Variants in DOCK6 observed in about 807,000 individuals in gnomAD.
The protein encoded by DOCK6 is dedicator of cytokinesis protein 6.
A neutral mutation model predicts 230.3 loss-of-function variants in DOCK6; 167 were observed. The ratio of observed to expected loss-of-function variants is 0.73; its 90% CI spans 0.64 to 0.82. The LOEUF (loss-of-function observed/expected upper bound fraction) is 0.82. DOCK6 is among the 40% of genes least tolerant of loss of function. The pLI is 0.00. For missense variants in DOCK6, 2,598 were observed against 2,825.8 expected (o/e 0.92, Z 1.83); for synonymous variants, 1,148 against 1,185.0 (o/e 0.97, Z 0.64).
intron 32 of DOCK6, among the ~76,000 whole-genome samples, chr19:11,214,934 C>A (rs977618096): frequency 6.6e-6 from 1 of 150,706 alleles, no homozygotes; most frequent in African/African-American, 2.5e-5. Flanking sequence ...TGCCACCATG[C>A]CTGGCTAATT....
intron 24 of DOCK6, 112 bp downstream of exon 24, chr19:11,227,225 T>C: frequency 7.0e-7 from 1 of 1,436,954 alleles, no homozygotes; most frequent in Non-Finnish European, 9.5e-7. Flanking sequence ...CCCAGCAAAG[T>C]GGATTCCTGG....
At chr19:11,247,958 G>A (rs755035936) in intron 7 of DOCK6, 108 bp downstream of exon 7, 1 of 951,854 alleles carries the variant, frequency 1.1e-6, no homozygotes, top group Non-Finnish European at 1.6e-6. Flanking sequence ...GGCCACATAG[G>A]TGACAGGGCC....
At position 11,239,805 on chromosome 19, in the gene DOCK6, G is replaced by A. The variant is rs371530336; in HGVS notation, c.1644-1501C>T. The A allele has an allele frequency of 9.2e-5, 148 of 1,607,126 alleles. No homozygotes were observed. The African/African-American group carries it at 1.3e-3, about 15-fold the overall frequency. ...CCCTCAACGGTGTGTACAGGACCAC[G>A]GAGGGACGGCTGACAAAGGCCAGGA... On this transcript the variant is annotated intron_variant, in intron 14 of 47. Coordinates refer to ENST00000294618, the MANE Select transcript of DOCK6 (RefSeq NM_020812.4).
chr19:11,213,359 C>T (rs1384601434), intron 34 of DOCK6, 31 bp from the exon 35 acceptor site: 2 of 1,597,906 alleles, frequency 1.3e-6, no homozygotes, highest in South Asian at 2.2e-5. Context: ...AGACACTGTC[C>T]AGCCCCTCCC....
At chr19:11,262,374 AG>A in intron 1 of DOCK6, 22 bp downstream of exon 1, 4 of 1,028,494 alleles carry the variant, frequency 3.9e-6, no homozygotes, top group Non-Finnish European at 3.5e-6. Context: ...GGGAGGTGGG[AG>A]GGGGCCCCGC....
In DOCK6 at chr19:11,202,692, A is replaced by G. The variant is rs746334066; in HGVS notation, c.5253T>C (p.Tyr1751=). 1.4e-5 allele frequency: 22 copies of G among 1,613,868 alleles called. No homozygotes were observed. Among genetic ancestry groups the G allele is most frequent in the Non-Finnish European group, 3.4e-6 (4 of 1,179,896 alleles). The change falls in exon 42 of 48, where the codon TAT becomes TAC. Residue 1751 remains tyrosine, a synonymous_variant. Transcript: ENST00000294618. The surrounding 1 kb of genome is among the most constrained non-coding windows in gnomAD (Gnocchi z 5.3). The part of the protein sequence containing the change: ...SSGWERVFGT[Y]FRVGFYGAHF... Reference sequence around the variant, plus strand: ...GGGCGCCGTAGAAGCCCACGCGGAAATACGTCCCGAACACGCGCTGGGGCT... The same window carrying G: ...GGGCGCCGTAGAAGCCCACGCGGAAGTACGTCCCGAACACGCGCTGGGGCT...
Position 11,245,869 on chromosome 19 carries a change from A to T in DOCK6, c.816T>A (p.Ile272=). The T allele has an allele frequency of 6.4e-7, 1 of 1,563,672 alleles. No individual in the cohort carries two copies. The highest frequency in any genetic ancestry group is 1.2e-5 in the South Asian group (1 of 84,892). Residue 272 remains isoleucine (I), a synonymous_variant, in exon 8 of 48, where the codon ATT becomes ATA. Transcript: ENST00000294618. ...AGATCCCAAAGATGGGCTCAATTTC[A>T]ATCTCGAACCTACAAGTAAATGGGA... The part of the protein sequence containing the change: ...LVKCLSLKFE[I]EIEPIFGILA...
chr19:11,222,336 AATC>A lies in DOCK6; in HGVS notation c.3241-91_3241-89del, dbSNP rs1168855636. On this transcript the variant is annotated intron_variant, in intron 26 of 47. Transcript: ENST00000294618. The surrounding 1 kb of genome is among the most constrained non-coding windows in gnomAD (Gnocchi z 4.0). ...TTAAAGCCATCTTGGAGGTGACAGA[AATC>A]ATGGTGCCAATAGCCACAGATGAAA... 9.4e-6 allele frequency: 14 copies of A among 1,490,504 alleles called. 1 individual carries two copies. In the South Asian group the frequency reaches 1.4e-4, roughly 15 times the overall value. The allele number at this position is 1,490,504 out of a possible 1,614,324, so 92.3% of individuals were successfully genotyped here.
chr19:11,238,409 G>T (rs2079886677), intron 14 of DOCK6, 105 bp from the exon 15 acceptor site: 2 of 1,046,370 alleles, frequency 1.9e-6, no homozygotes, highest in Admixed American at 2.0e-5. Context: ...GACAGTCCAG[G>T]AAGAGTAGGT....
rs2147782524 is a variant in DOCK6, at chr19:11,222,104, C to T, written c.3380+5G>A. 3 of 1,612,548 alleles carry T rather than the reference C, an allele frequency of 1.9e-6. No individual in the cohort carries two copies. Among genetic ancestry groups the T allele is most frequent in the South Asian group, 1.1e-5 (1 of 90,898 alleles). ...GTCCTGGGGCTAGACAGGAGCTCTGCTCACCCTTCAGCCTCAGGTTCGAGG... is the reference window on the plus strand; with the variant it reads ...GTCCTGGGGCTAGACAGGAGCTCTGTTCACCCTTCAGCCTCAGGTTCGAGG... On this transcript the variant is annotated splice_donor_5th_base_variant and intron_variant, in intron 27 of 47. Transcript: ENST00000294618. This position sits in a 1 kb window ranked among gnomAD's most constrained non-coding sequence, Gnocchi z 4.0.
At chr19:11,254,230 G>A (rs745534781) in intron 1 of DOCK6, among the ~76,000 whole-genome samples, 76 of 152,232 alleles carry the variant, frequency 5.0e-4, no homozygotes, top group Non-Finnish European at 8.2e-4. Flanking sequence ...TGGGCAGAGC[G>A]GAGCCTGGGG....
chr19:11,230,947 T>C (rs1276573584), intron 22 of DOCK6, among the ~76,000 whole-genome samples: 1 of 152,148 alleles, frequency 6.6e-6, no homozygotes, highest in Non-Finnish European at 1.5e-5. Flanking sequence ...ACTCTGACAC[T>C]TGAGGGCTCT....
Position 11,238,045 on chromosome 19 carries a change from T to G in DOCK6, c.1832A>C (p.Lys611Thr). Residue 611 changes from lysine (K) to threonine (T), a missense_variant and splice_region_variant, in exon 16 of 48, where the codon AAG (lysine) becomes ACG (threonine). Physicochemically the swap from Lys to Thr is moderately conservative, Grantham distance 78. Transcript: ENST00000294618. ...EAFTPVVYHN[K>T]SPEFYEEFKL... is the part of the protein sequence containing the mutation. ...GTTCCTCACGTGTCCCCCTACATAC[T>G]TGTTATGGTAGACCACCGGTGTGAA... 6.2e-7 allele frequency: 1 copy of G among 1,613,564 alleles called. No homozygotes were observed. Among genetic ancestry groups the G allele is most frequent in the Non-Finnish European group, 8.5e-7 (1 of 1,179,740 alleles).
intron 1 of DOCK6, 37 bp downstream of exon 1, chr19:11,262,360 G>A (rs758415273): frequency 2.8e-5 from 35 of 1,234,660 alleles, no homozygotes; most frequent in Non-Finnish European, 3.3e-5. Flanking sequence ...GCCGGGCCAC[G>A]TGGGGGAGGT....
At chr19:11,225,869 A>T (rs1247594617) in intron 24 of DOCK6, among the ~76,000 whole-genome samples, 5 of 68,308 alleles carry the variant, frequency 7.3e-5, no homozygotes, top group Admixed American at 5.1e-4. Flanking sequence ...TGACTCTACT[A>T]AAAAAAAAAA....
intron 14 of DOCK6, among the ~76,000 whole-genome samples, chr19:11,240,549 T>C (rs926017549): frequency 6.6e-6 from 1 of 151,602 alleles, no homozygotes; most frequent in African/African-American, 2.4e-5. Flanking sequence ...ATATTCAGCA[T>C]GGGGCGGGCA....
At chr19:11,208,278 CTTTT>C (rs372026726) in intron 39 of DOCK6, 148 of 118,312 alleles carry the variant, frequency 1.3e-3, no homozygotes, top group Middle Eastern at 8.1e-3. Context: ...ATTCTCCTTC[CTTTT>C]TTTTTTTTTT....
At chr19:11,251,203 G>A in intron 5 of DOCK6, 117 bp from the exon 6 acceptor site, 1 of 1,057,562 alleles carries the variant, frequency 9.5e-7, no homozygotes, top group South Asian at 1.5e-5. Context: ...CAGGGGGTGA[G>A]GGTCATCACT....
At chr19:11,215,647 C>A in intron 31 of DOCK6, 154 bp downstream of exon 31, 1 of 1,377,906 alleles carries the variant, frequency 7.3e-7, no homozygotes, top group Admixed American at 1.9e-5. Flanking sequence ...GATGGGGACG[C>A]ACAGGCGCAT....
Sources: allele counts gnomAD v4.1 joint callset (sites outside exome capture counted in the v4.1 genomes callset), GRCh38; gene constraint gnomAD v4.1.1; non-coding constraint Gnocchi (gnomAD v3.1); transcripts MANE v1.5; gene names NCBI Gene and HGNC (gene_info 2026-07-23, HGNC 2026-07-21).